PWWP3A: variants seen among roughly 807,000 people sequenced by gnomAD.
PWWP3A encodes the protein PWWP domain-containing DNA repair factor 3A.
PWWP3A carries 53 observed loss-of-function variants against 79.0 expected under a neutral mutation model. The ratio of observed to expected loss-of-function variants is 0.67; its 90% confidence interval spans 0.54 to 0.84. The LOEUF is 0.84. PWWP3A is among the 40% of genes least tolerant of loss of function. The pLI is 0.00. For missense variants in PWWP3A, 973 were observed against 948.0 expected (o/e 1.03, Z -0.35); for synonymous variants, 443 against 394.4 (o/e 1.12, Z -1.46).
rs775177590 is a variant in PWWP3A, at chr19:1,369,876, T to A, written c.1549+230T>A. On this transcript the variant is annotated intron_variant, in intron 11 of 13. Transcript: ENST00000591337. The surrounding 1 kb of genome is among the most constrained non-coding windows in gnomAD (Gnocchi z 4.0). ...TCCCGAGCCTGCCCTGGGGCCCTCA[T>A]CCCATGGGCCACATCCAGCGTGTCC... Among the ~76,000 whole-genome samples, 9 of 152,060 alleles carry A rather than the reference T, an allele frequency of 5.9e-5. No individual in the cohort carries two copies. The highest frequency in any genetic ancestry group is 1.0e-4 in the Non-Finnish European group (7 of 68,008).
chr19:1,362,092 TAGA>T, intron 5 of PWWP3A, 155 bp from the exon 6 acceptor site: 1 of 490,244 alleles, frequency 2.0e-6, no homozygotes, highest in South Asian at 3.8e-5. Context: ...TGTAGTTTAT[TAGA>T]AGCGCACTCT....
chr19:1,358,365 GGTGT>G lies in PWWP3A; in HGVS notation c.144-26_144-23del, dbSNP rs1310628903. On this transcript the variant is annotated intron_variant, in intron 3 of 13. Coordinates refer to ENST00000591337, the MANE Select transcript of PWWP3A (RefSeq NM_001369789.1). ...AAATGTCTTGGCGGCGTTGGCTGGT[GGTGT>G]GTAACGTCGATTTTGTCTCTGCAGA... 6.3e-6 allele frequency: 10 copies of G among 1,591,576 alleles called. No individual in the cohort carries two copies. In the African/African-American group the frequency reaches 1.1e-4, roughly 17 times the overall value.
At chr19:1,364,977 G>A (rs111706102) in intron 7 of PWWP3A, among the ~76,000 whole-genome samples, 8 of 152,196 alleles carry the variant, frequency 5.3e-5, no homozygotes, top group African/African-American at 9.6e-5. Context: ...AAAATTAGCC[G>A]GGCGTGGTGG....
intron 3 of PWWP3A, 48 bp from the exon 4 acceptor site, chr19:1,358,346 C>A: frequency 6.7e-7 from 1 of 1,494,164 alleles, no homozygotes; most frequent in South Asian, 1.2e-5. Flanking sequence ...TTGAAAATGT[C>A]TTGGCGGCGT....
At chr19:1,361,173 C>T (rs890866828) in intron 5 of PWWP3A, 141 bp downstream of exon 5, 10 of 768,434 alleles carry the variant, frequency 1.3e-5, no homozygotes, top group Non-Finnish European at 1.3e-5. Flanking sequence ...CAGAGACTTC[C>T]TCATTCCTTT....
At chr19:1,374,068 C>T (rs1377075187) in intron 13 of PWWP3A, 4 of 152,182 alleles carry the variant, frequency 2.6e-5, no homozygotes, top group Non-Finnish European at 5.9e-5. Context: ...AAGTGAGGTC[C>T]GGGGAGGGGG....
chr19:1,366,080 C>T (rs1345301431), intron 7 of PWWP3A, among the ~76,000 whole-genome samples: 4 of 152,228 alleles, frequency 2.6e-5, no homozygotes. Context: ...ATTCAAAAAC[C>T]CAAACAAAAC....
chr19:1,374,326 G>C (rs2082320315), intron 13 of PWWP3A: 1 of 152,174 alleles, frequency 6.6e-6, no homozygotes, highest in Non-Finnish European at 1.5e-5. Context: ...TGAGCACACA[G>C]GCCGTGATTT....
At chr19:1,375,531 A>AT (rs778160812) in intron 13 of PWWP3A, among the ~76,000 whole-genome samples, 2 of 108,940 alleles carry the variant, frequency 1.8e-5, no homozygotes, top group Non-Finnish European at 3.6e-5. Context: ...CATATAATTT[A>AT]TATATTTTAT....
chr19:1,358,560 C>T (rs760261887), intron 4 of PWWP3A, 96 bp downstream of exon 4: 1 of 1,602,428 alleles, frequency 6.2e-7, no homozygotes, highest in Admixed American at 1.7e-5. Context: ...AAAATTCACC[C>T]TGTTCACCAT....
rs544615242 is a variant in PWWP3A, at chr19:1,365,168, A to G, written c.1284+589A>G. On this transcript the variant is annotated intron_variant, in intron 7 of 13. Transcript: ENST00000591337. ...AAGAATTGTGATTTGCTCATTTTAA[A>G]TATTGTGCATTTCACCCCATGAGAG... Among the ~76,000 whole-genome samples the G allele has an allele frequency of 8.5e-5, 13 of 152,346 alleles. No homozygotes were observed. In the South Asian group the frequency reaches 2.7e-3, roughly 32 times the overall value.
rs754438911 is a variant in PWWP3A, at chr19:1,376,295, G to GTTTTTTTTTTTTTTTTTTTTTTTT, written c.2076-213_2076-212insTTTTTTTTTTTTTTTTTTTTTTTT. Among the ~76,000 whole-genome samples the GTTTTTTTTTTTTTTTTTTTTTTTT allele has an allele frequency of 1.6e-4, 11 of 67,042 alleles. 1 individual carries two copies. The highest frequency in any genetic ancestry group is 3.8e-4 in the East Asian group (1 of 2,658). The allele number at this position is 67,042 out of a possible 152,430, so 44.0% of individuals were successfully genotyped here. The stretch of plus-strand genomic sequence containing the variant: ...CATGCGCCACCACGCCCGGCTGTTT[G>GTTTTTTTTTTTTTTTTTTTTTTTT]TTTTTTTTTTTGTTTGTTTTTTTTT... On this transcript the variant is annotated intron_variant, in intron 13 of 13. Transcript: ENST00000591337.
chr19:1,377,041 C>T lies in PWWP3A; in HGVS notation c.*465C>T, dbSNP rs1291092646. The T allele has an allele frequency of 1.3e-5, 2 of 153,128 alleles. No homozygotes were observed. Among genetic ancestry groups the T allele is most frequent in the Non-Finnish European group, 2.9e-5 (2 of 68,786 alleles). 9.5% of individuals were successfully genotyped at this position (153,128 alleles called of 1,614,324 possible). ...TGTTTCCCCCTTGTGTGGTTTCCGC[C>T]TGCGACAGTTCCAGAATTTGCTCTC... is the stretch of plus-strand genomic sequence containing the variant. On this transcript the variant is annotated 3_prime_UTR_variant, in exon 14 of 14. Coordinates refer to ENST00000591337, the MANE Select transcript of PWWP3A (RefSeq NM_001369789.1).
intron 9 of PWWP3A, among the ~76,000 whole-genome samples, chr19:1,367,432 G>A (rs999879693): frequency 5.9e-5 from 9 of 152,200 alleles, no homozygotes; most frequent in Admixed American, 4.6e-4. Flanking sequence ...GGGAAGTTGC[G>A]GCCCCATTTC....
At chr19:1,358,562 G>T (rs565009229) in intron 4 of PWWP3A, 98 bp downstream of exon 4, 1 of 1,602,242 alleles carries the variant, frequency 6.2e-7, no homozygotes, top group Non-Finnish European at 8.5e-7. Context: ...AATTCACCCT[G>T]TTCACCATGT....
chr19:1,369,597 C>T lies in PWWP3A; in HGVS notation c.1500C>T (p.Gly500=), dbSNP rs1264053084. ...SLITDYRVRL[G]CGSFAGSFLE... is the part of the protein sequence containing the mutation. ...CTCTCTCCCCTCCACCCCCTGCAGG[C>T]TGCGGGTCTTTTGCTGGCTCTTTCC... The change falls in exon 11 of 14, where the codon GGC becomes GGT. Residue 500 remains glycine, a splice_region_variant and synonymous_variant. Transcript: ENST00000591337. The surrounding 1 kb of genome is among the most constrained non-coding windows in gnomAD (Gnocchi z 4.0). The T allele has an allele frequency of 1.2e-6, 2 of 1,614,100 alleles. No homozygotes were observed. The highest frequency in any genetic ancestry group is 2.2e-5 in the South Asian group (2 of 91,090).
At position 1,369,523 on chromosome 19, in the gene PWWP3A, C is replaced by T; in HGVS notation, c.1499-73C>T. On this transcript the variant is annotated intron_variant, in intron 10 of 13. Coordinates refer to ENST00000591337, the MANE Select transcript of PWWP3A (RefSeq NM_001369789.1). This position sits in a 1 kb window ranked among gnomAD's most constrained non-coding sequence, Gnocchi z 4.0. ...TTATTTCCTAAACAGAGACGCCGGG[C>T]CAGCCCCTGGAACACACTTCCTGGG... The T allele has an allele frequency of 1.3e-6, 2 of 1,573,930 alleles. No individual in the cohort carries two copies.
chr19:1,374,451 G>C (rs2526140), intron 13 of PWWP3A: 110,907 of 152,114 alleles, frequency 0.73, 40,662 homozygotes, highest in Middle Eastern at 0.82. Context: ...CAGTCTCCCC[G>C]CCGCACGGCG....
intron 5 of PWWP3A, 101 bp from the exon 6 acceptor site, chr19:1,362,149 T>TAAAG (rs1317587443): frequency 1.1e-6 from 1 of 941,738 alleles, no homozygotes; most frequent in Non-Finnish European, 1.6e-6. Context: ...ATGGAACCTT[T>TAAAG]TCTTTATGCA....
Sources: allele counts gnomAD v4.1 joint callset (sites outside exome capture counted in the v4.1 genomes callset), GRCh38; gene constraint gnomAD v4.1.1; non-coding constraint Gnocchi (gnomAD v3.1); transcripts MANE v1.5; gene names NCBI Gene and HGNC (gene_info 2026-07-23, HGNC 2026-07-21).